The following HELQ variants were observed in gnomAD, a reference collection of about 807,000 sequenced individuals.
HELQ encodes helicase POLQ-like.
In HELQ, 77 loss-of-function variants were observed where a neutral mutation model predicts 111.6. The ratio of observed to expected loss-of-function variants is 0.69; its 90% CI spans 0.57 to 0.83. The LOEUF is 0.83. HELQ is among the 40% of genes least tolerant of loss of function. The pLI is 0.00. For missense variants in HELQ, 1,200 were observed against 1,288.5 expected (o/e 0.93, Z 1.05); for synonymous variants, 438 against 454.7 (o/e 0.96, Z 0.47).
At chr4:83,411,639 T>A (rs1420584373) in intron 17 of HELQ, among the ~76,000 whole-genome samples, 1 of 150,580 alleles carries the variant, frequency 6.6e-6, no homozygotes, top group Non-Finnish European at 1.5e-5. Context: ...TTAATTAATT[T>A]AATTAAATTA....
chr4:83,455,210 T>C (rs1721689109), intron 1 of HELQ, 187 bp downstream of exon 1: 2 of 1,268,026 alleles, frequency 1.6e-6, no homozygotes, highest in Admixed American at 2.9e-5. Context: ...ACAACTTTTA[T>C]GTCTCGGGGT....
chr4:83,437,202 T>G, intron 8 of HELQ, 105 bp from the exon 9 acceptor site: 1 of 1,075,888 alleles, frequency 9.3e-7, no homozygotes, highest in Non-Finnish European at 1.3e-6. Context: ...TTTAATGTAC[T>G]ATTTCCATTG....
At chr4:83,445,664 A>G (rs1721011193) in intron 5 of HELQ, among the ~76,000 whole-genome samples, 1 of 152,222 alleles carries the variant, frequency 6.6e-6, no homozygotes, top group Non-Finnish European at 1.5e-5. Flanking sequence ...TACTGAATGC[A>G]GTGTGCTAAG....
At chr4:83,423,394 G>T (rs550238957) in intron 14 of HELQ, among the ~76,000 whole-genome samples, 1 of 152,280 alleles carries the variant, frequency 6.6e-6, no homozygotes, top group African/African-American at 2.4e-5. Context: ...TACATATTCT[G>T]CATGTTGATA....
rs978106538 is a variant in HELQ at position 83,455,814 on chromosome 4, G to C, written c.-121C>G. ...CATCCACCTTGGGAAAAGACCCCAA[G>C]TTAGCTCTCAGGGCTCGCGGACCGG... On this transcript the variant is annotated 5_prime_UTR_variant, in exon 1 of 18. Coordinates refer to ENST00000295488, the MANE Select transcript of HELQ (RefSeq NM_133636.5). 1.1e-5 allele frequency: 11 copies of C among 1,026,090 alleles called. No homozygotes were observed. Among genetic ancestry groups the C allele is most frequent in the South Asian group, 1.5e-5 (1 of 67,190 alleles). 63.6% of individuals were successfully genotyped at this position (1,026,090 alleles called of 1,614,324 possible). A position where few individuals can be genotyped will look rare whatever the true frequency, so the allele number is the denominator to read the frequency against.
At chr4:83,441,229 G>A (rs981961254) in intron 7 of HELQ, 76 bp downstream of exon 7, 13 of 788,024 alleles carry the variant, frequency 1.6e-5, no homozygotes, top group African/African-American at 7.1e-5. Flanking sequence ...ACTATTCTAC[G>A]GAATCCATTG....
In HELQ at chr4:83,429,739, G is replaced by A. The variant is rs1355172192; in HGVS notation, c.2303C>T (p.Thr768Met). 8 of 1,606,384 alleles carry A rather than the reference G, an allele frequency of 5.0e-6. No individual in the cohort carries two copies. The highest frequency in any genetic ancestry group is 1.7e-4 in the Middle Eastern group (1 of 6,036). ...GAAATGATAGATGTCATCAAGATTC[G>A]TTGCAATCTGAAACAATTCAGGATA... The part of the protein sequence containing the change: ...FLSLIGLKIA[T>M]NLDDIYHFMN... The change falls in exon 12 of 18, where the codon ACG becomes ATG. Residue 768 changes from threonine to methionine, a missense_variant. Thr to Met is a moderately conservative substitution (Grantham distance 81). Coordinates refer to ENST00000295488, the MANE Select transcript of HELQ (RefSeq NM_133636.5).
rs202106636 is a variant in HELQ at position 83,415,636 on chromosome 4, C to CTT, written c.3198+1093_3198+1094dup. ...TACTTCAATGAACCCTTGAAATTGT[C>CTT]TTTTTTTTTTTTTTAAGACAGACTC... is the stretch of plus-strand genomic sequence containing the variant. On this transcript the variant is annotated intron_variant, in intron 17 of 17. Coordinates refer to ENST00000295488, the MANE Select transcript of HELQ (RefSeq NM_133636.5). Among the ~76,000 whole-genome samples the CTT allele has an allele frequency of 2.4e-4, 34 of 142,538 alleles. 1 individual carries two copies. The highest frequency in any genetic ancestry group is 9.1e-4 in the Admixed American group (13 of 14,260). 93.5% of individuals were successfully genotyped at this position (142,538 alleles called of 152,430 possible).
intron 15 of HELQ, among the ~76,000 whole-genome samples, chr4:83,420,237 T>A (rs757067942): frequency 6.6e-6 from 1 of 152,262 alleles, no homozygotes; most frequent in Non-Finnish European, 1.5e-5. Flanking sequence ...ATGACCAGTA[T>A]AAGGTTTCCT....
chr4:83,427,460 G>T, intron 13 of HELQ, 103 bp downstream of exon 13: 1 of 953,660 alleles, frequency 1.0e-6, no homozygotes, highest in Non-Finnish European at 1.5e-6. Flanking sequence ...TTTGAGACCA[G>T]CCTGGGCAAC....
chr4:83,418,308 T>C, intron 15 of HELQ, 102 bp from the exon 16 acceptor site: 1 of 568,306 alleles, frequency 1.8e-6, no homozygotes, highest in Non-Finnish European at 3.1e-6. Flanking sequence ...TTACATAAGT[T>C]CTGGAACTTG....
At chr4:83,408,226 G>A (rs986775681) in intron 17 of HELQ, among the ~76,000 whole-genome samples, 3 of 152,084 alleles carry the variant, frequency 2.0e-5, no homozygotes, top group African/African-American at 7.2e-5. Flanking sequence ...ACCAATTTGT[G>A]GAAGAATAAA....
At position 83,443,587 on chromosome 4, in the gene HELQ, G is replaced by A; in HGVS notation, c.1493C>T (p.Ala498Val). The change falls in exon 6 of 18, where the codon GCA (alanine) becomes GTA (valine). Residue 498 changes from alanine (A) to valine (V), a missense_variant. Transcript: ENST00000295488. ...SKTTQIIGMS[A>V]TLNNVEDLQK... The stretch of plus-strand genomic sequence containing the variant: ...TAGGTCTTCAACATTGTTTAATGTT[G>A]CACTCATACCAATAATTTGAGTCGT... The A allele has an allele frequency of 6.3e-7, 1 of 1,577,328 alleles. No individual in the cohort carries two copies.
intron 3 of HELQ, among the ~76,000 whole-genome samples, chr4:83,448,329 T>G (rs1399133649): frequency 6.6e-6 from 1 of 152,240 alleles, no homozygotes; most frequent in African/African-American, 2.4e-5. Context: ...TTTTAGGTAG[T>G]GTATACTGCT....
intron 11 of HELQ, 97 bp from the exon 12 acceptor site, chr4:83,429,843 G>T: frequency 1.5e-6 from 1 of 674,622 alleles, no homozygotes; most frequent in Non-Finnish European, 2.5e-6. Context: ...ATACCTCAAA[G>T]CTATTTAAAT....
At chr4:83,455,857 T>G, upstream of HELQ, 1 of 785,716 alleles carries the variant, frequency 1.3e-6, no homozygotes, top group Non-Finnish European at 2.1e-6. Context: ...CATAAACTTC[T>G]ACCCTGTCCA....
intron 14 of HELQ, among the ~76,000 whole-genome samples, chr4:83,424,859 A>G (rs1007925435): frequency 3.9e-5 from 6 of 152,070 alleles, no homozygotes; most frequent in African/African-American, 1.4e-4. Flanking sequence ...CGGGCCCAAT[A>G]TTTTTGATTT....
chr4:83,441,620 T>A (rs1427550832), intron 6 of HELQ, among the ~76,000 whole-genome samples: 1 of 152,216 alleles, frequency 6.6e-6, no homozygotes, highest in Non-Finnish European at 1.5e-5. Flanking sequence ...GAGATCAATA[T>A]CCTTGAAGAA....
rs533509828 is a variant in HELQ at position 83,451,664 on chromosome 4, A to G, written c.1012+1567T>C. Among the ~76,000 whole-genome samples the G allele has an allele frequency of 2.8e-5, 4 of 143,072 alleles. No individual in the cohort carries two copies. The South Asian group carries it at 8.4e-4, about 30-fold the overall frequency. 93.9% of individuals were successfully genotyped at this position (143,072 alleles called of 152,430 possible). On this transcript the variant is annotated intron_variant, in intron 2 of 17. Transcript: ENST00000295488. Reference sequence around the variant, plus strand: ...TGGGCAACACGCGAGACTCCGTCTCAAAAAAAAACAAAAAAACAAAAACAA... The same window carrying G: ...TGGGCAACACGCGAGACTCCGTCTCGAAAAAAAACAAAAAAACAAAAACAA...
Sources: gnomAD v4.1 joint callset for allele counts (sites outside exome capture counted in the v4.1 genomes callset) on GRCh38, gnomAD v4.1.1 for gene constraint, MANE v1.5 for transcripts, NCBI Gene and HGNC (gene_info 2026-07-23, HGNC 2026-07-21) for gene names.